The following WDR70 variants were observed in gnomAD, a reference collection of about 807,000 sequenced individuals.
The protein encoded by WDR70 is WD repeat domain 70, also known as WD repeat-containing protein 70.
Under a neutral mutation model 88.6 loss-of-function variants are expected in WDR70, and 53 were observed. The observed-to-expected ratio is 0.60, with a 90% CI of 0.48 to 0.75. WDR70 has a LOEUF of 0.75. Among genes scored for constraint, WDR70 ranks in the 30% least tolerant of loss-of-function variants. WDR70 has a pLI of 0.00. For missense variants in WDR70, 610 were observed against 823.2 expected, an observed-to-expected ratio of 0.74 and a Z score of 3.17; for synonymous variants, 280 against 270.0, an observed-to-expected ratio of 1.04 and a Z score of -0.36.
rs772928855 is a variant in WDR70 at position 37,583,548 on chromosome 5, AGGTG to A, written c.918-21513_918-21510del. 4.3e-3 allele frequency among the ~76,000 whole-genome samples: 439 copies of A among 102,334 alleles called. 28 individuals are homozygous for A. Among genetic ancestry groups the A allele is most frequent in the African/African-American group, 8.6e-3 (305 of 35,516 alleles). 67.1% of individuals were successfully genotyped at this position (102,334 alleles called of 152,430 possible). ...ATTGGCTATGACAAGCAGTCATAGT[AGGTG>A]GGATCCCTTATACTTGTGTCCTTTG... On this transcript the variant is annotated intron_variant, in intron 9 of 17. Transcript: ENST00000265107.
At chr5:37,729,979 G>A (rs1041957189) in intron 17 of WDR70, among the ~76,000 whole-genome samples, 7 of 151,914 alleles carry the variant, frequency 4.6e-5, no homozygotes, top group African/African-American at 7.3e-5. Context: ...GAGCAGATAC[G>A]TAAGTATCTT....
At chr5:37,562,583 G>GCGGCCTTC (rs1050724717) in intron 9 of WDR70, among the ~76,000 whole-genome samples, 4 of 152,302 alleles carry the variant, frequency 2.6e-5, no homozygotes, top group South Asian at 2.1e-4. Context: ...AGAGGACCCT[G>GCGGCCTTC]CGGCCTTCCG....
intron 13 of WDR70, among the ~76,000 whole-genome samples, chr5:37,705,147 A>G (rs1228542425): frequency 6.6e-6 from 1 of 152,148 alleles, no homozygotes; most frequent in East Asian, 1.9e-4. Flanking sequence ...CTGTGTAGAG[A>G]TACTCAGTAT....
intron 10 of WDR70, among the ~76,000 whole-genome samples, chr5:37,635,777 C>G (rs7704083): frequency 0.062 from 9,432 of 152,108 alleles, 371 homozygotes; most frequent in Middle Eastern, 0.15. Flanking sequence ...GTGTCCCCAC[C>G]CAAATCTCAT....
intron 12 of WDR70, among the ~76,000 whole-genome samples, chr5:37,701,489 A>C (rs1391271049): frequency 6.6e-6 from 1 of 152,102 alleles, no homozygotes; most frequent in East Asian, 1.9e-4. Flanking sequence ...TGTGGTTTTT[A>C]AAAATTTGAG....
In WDR70 at chr5:37,703,045, T is replaced by A. The variant is rs1747211858; in HGVS notation, c.1374T>A (p.Arg458=). 6.2e-7 allele frequency: 1 copy of A among 1,613,778 alleles called. No homozygotes were observed. Among genetic ancestry groups the A allele is most frequent in the Non-Finnish European group, 8.5e-7 (1 of 1,179,792 alleles). The stretch of plus-strand genomic sequence containing the variant: ...GCGGCAAACTTGTTTTCTTTGAGCG[T>A]AGGACTTTCCAAAGGGTGTATGAAA... ...CGSGKLVFFE[R]RTFQRVYEID... is the part of the protein sequence containing the mutation. Residue 458 remains arginine (R), a synonymous_variant, in exon 13 of 18, where the codon CGT becomes CGA. Coordinates refer to ENST00000265107, the MANE Select transcript of WDR70 (RefSeq NM_018034.4).
At chr5:37,491,811 T>G (rs1002533010) in intron 8 of WDR70, among the ~76,000 whole-genome samples, 14 of 152,176 alleles carry the variant, frequency 9.2e-5, no homozygotes, top group African/African-American at 3.4e-4. Context: ...AAAAGAAAAC[T>G]GTTAACTTAA....
At chr5:37,597,808 ACAAATTACCCAG>A (rs1743747438) in intron 9 of WDR70, among the ~76,000 whole-genome samples, 1 of 152,200 alleles carries the variant, frequency 6.6e-6, no homozygotes, top group Non-Finnish European at 1.5e-5. Flanking sequence ...TATTTTCTTT[ACAAATTACCCAG>A]CCACAGATAT....
At chr5:37,653,288 G>GC (rs1410341814) in intron 10 of WDR70, among the ~76,000 whole-genome samples, 3 of 152,180 alleles carry the variant, frequency 2.0e-5, no homozygotes, top group African/African-American at 7.2e-5. Flanking sequence ...CGGGGATGAA[G>GC]CCGACTTGAT....
At chr5:37,493,658 C>T (rs1184425848) in intron 8 of WDR70, among the ~76,000 whole-genome samples, 1 of 152,012 alleles carries the variant, frequency 6.6e-6, no homozygotes, top group Admixed American at 6.6e-5. Flanking sequence ...GGTAATAAAT[C>T]GGGGGTGTAC....
At chr5:37,522,600 G>T (rs1442118218) in intron 9 of WDR70, among the ~76,000 whole-genome samples, 2 of 152,100 alleles carry the variant, frequency 1.3e-5, no homozygotes, top group Non-Finnish European at 2.9e-5. Context: ...GAGGTACCAG[G>T]TTCATCTCAC....
chr5:37,432,860 GCC>G (rs1312352640), intron 5 of WDR70, among the ~76,000 whole-genome samples: 1 of 152,078 alleles, frequency 6.6e-6, no homozygotes, highest in African/African-American at 2.4e-5. Context: ...ACCGCACCCG[GCC>G]TTTTGCTCAT....
chr5:37,452,501 A>G (rs4544844), intron 7 of WDR70, among the ~76,000 whole-genome samples: 131,910 of 152,234 alleles, frequency 0.87, 60,222 homozygotes, highest in East Asian at 1. Flanking sequence ...CTTGACCTCA[A>G]GTGATCTGCC....
At chr5:37,603,212 A>G (rs1252742894) in intron 9 of WDR70, among the ~76,000 whole-genome samples, 1 of 152,172 alleles carries the variant, frequency 6.6e-6, no homozygotes, top group African/African-American at 2.4e-5. Flanking sequence ...AGCAAAAGGC[A>G]AAAAGCTGGA....
At chr5:37,594,832 C>G (rs113824172) in intron 9 of WDR70, among the ~76,000 whole-genome samples, 16,824 of 151,984 alleles carry the variant, frequency 0.11, 3,000 homozygotes, top group African/African-American at 0.38. Context: ...GTGGTTTGTA[C>G]TTCTCCTTGA....
intron 10 of WDR70, among the ~76,000 whole-genome samples, chr5:37,616,624 A>G (rs1043295720): frequency 2.6e-5 from 4 of 152,150 alleles, no homozygotes; most frequent in South Asian, 2.1e-4. Flanking sequence ...ATGCTCTGTT[A>G]TGGACTAGAA....
chr5:37,395,118 A>G (rs1561835961), intron 4 of WDR70, among the ~76,000 whole-genome samples: 2 of 152,184 alleles, frequency 1.3e-5, no homozygotes, highest in Non-Finnish European at 2.9e-5. Flanking sequence ...GACACTTTTA[A>G]TCTTATCAAA....
intron 5 of WDR70, among the ~76,000 whole-genome samples, chr5:37,428,126 T>C (rs1291223222): frequency 6.6e-6 from 1 of 152,104 alleles, no homozygotes; most frequent in African/African-American, 2.4e-5. Flanking sequence ...CATATGTCAG[T>C]CCTGACTTTA....
rs1182276743 is a variant in WDR70 at position 37,722,870 on chromosome 5, T to A, written c.1533T>A (p.Cys511Ter). The A allele has an allele frequency of 1.1e-5, 17 of 1,613,592 alleles. No homozygotes were observed. The highest frequency in any genetic ancestry group is 1.4e-5 in the Non-Finnish European group (17 of 1,179,646). Residue 511 changes from cysteine to a stop codon, truncating the protein, a stop_gained, in exon 15 of 18, where the codon TGT (cysteine) becomes TGA (stop). Coordinates refer to ENST00000265107, the MANE Select transcript of WDR70 (RefSeq NM_018034.4). LOFTEE classifies it high-confidence loss of function. ...CACCCGTTAGGGGAGCAAAATTATG[T>A]GTGGTTAAAACCCAGCGGAAGGCAA... is the stretch of plus-strand genomic sequence containing the variant. ...PNKSQRGAKLCVVKTQRKAKQ... is the reference protein window; with the variant it reads ...PNKSQRGAKL
Sources: gnomAD v4.1 joint callset for allele counts (sites outside exome capture counted in the v4.1 genomes callset) on GRCh38, gnomAD v4.1.1 for gene constraint, MANE v1.5 for transcripts, NCBI Gene and HGNC (gene_info 2026-07-23, HGNC 2026-07-21) for gene names.